C12orf42: variants seen among roughly 807,000 people sequenced by gnomAD.
C12orf42 encodes the protein uncharacterized protein C12orf42.
C12orf42 carries 25 observed loss-of-function variants against 21.6 expected under a neutral mutation model. The observed-to-expected ratio is 1.16, with a 90% CI of 0.84 to 1.62. The LOEUF (loss-of-function observed/expected upper bound fraction) is 1.62. Among genes scored for constraint, C12orf42 ranks in the 40% most tolerant of loss-of-function variants. The probability of loss-of-function intolerance (pLI) is 0.00; values close to 1 mark genes in which losing one functional copy is unlikely to be tolerated. For synonymous variants in C12orf42, 174 were observed against 175.0 expected, an observed-to-expected ratio of 0.99 and a Z score of 0.05; for missense variants, 483 against 459.3, an observed-to-expected ratio of 1.05 and a Z score of -0.47.
chr12:103,222,258 G>T, the C12orf42 span, among the ~76,000 whole-genome samples: 1 of 151,856 alleles, frequency 6.6e-6, no homozygotes, highest in African/African-American at 2.4e-5. Flanking sequence ...ATAGGATTTG[G>T]GTAGGTAAAG....
chr12:103,333,942 G>A (rs1159966608), intron 4 of C12orf42, among the ~76,000 whole-genome samples: 3 of 152,176 alleles, frequency 2.0e-5, no homozygotes, highest in Non-Finnish European at 2.9e-5. Context: ...ATAAGTGCCT[G>A]CCTGGGGCTA....
At chr12:103,511,511 T>C in the C12orf42 span, among the ~76,000 whole-genome samples, 1 of 152,126 alleles carries the variant, frequency 6.6e-6, no homozygotes, top group Admixed American at 6.5e-5. Flanking sequence ...CACTCTAATC[T>C]TCTCTTGGGG....
At chr12:103,366,644 G>T (rs1298351053) in intron 4 of C12orf42, among the ~76,000 whole-genome samples, 1 of 151,864 alleles carries the variant, frequency 6.6e-6, no homozygotes, top group African/African-American at 2.4e-5. Flanking sequence ...TCAAGAAGTG[G>T]GCTAGGGACA....
At chr12:103,226,122 G>A in the C12orf42 span, among the ~76,000 whole-genome samples, 37 of 152,200 alleles carry the variant, frequency 2.4e-4, no homozygotes, top group Admixed American at 2.4e-3. Context: ...TGGCCCAGTG[G>A]CCAGATTTCC....
At chr12:103,441,696 TTC>T (rs1015666667) in intron 2 of C12orf42, 1 of 152,158 alleles carries the variant, frequency 6.6e-6, no homozygotes, top group Non-Finnish European at 1.5e-5. Context: ...ACAACATCCT[TTC>T]TCTCTCAGGT....
chr12:103,238,160 G>A (rs1030406796), intron 10 of C12orf42, among the ~76,000 whole-genome samples: 1 of 152,014 alleles, frequency 6.6e-6, no homozygotes. Flanking sequence ...GAGTAGGAAG[G>A]GACATGGGAC....
the C12orf42 span, among the ~76,000 whole-genome samples, chr12:103,094,067 T>C: frequency 0.011 from 1,706 of 152,284 alleles, 33 homozygotes; most frequent in African/African-American, 0.039. Context: ...GTCAAGACAG[T>C]GGTGGGAGAA....
At chr12:103,096,536 T>C in the C12orf42 span, among the ~76,000 whole-genome samples, 1 of 152,238 alleles carries the variant, frequency 6.6e-6, no homozygotes, top group Non-Finnish European at 1.5e-5. Flanking sequence ...TATGATTTTA[T>C]TGATTTCAGT....
rs562552098 is a variant in C12orf42 at position 103,302,690 on chromosome 12, A to C, written c.632-131T>G. The C allele has an allele frequency of 1.4e-5, 10 of 738,340 alleles. No individual in the cohort carries two copies. In the African/African-American group the frequency reaches 1.4e-4, roughly 11 times the overall value. The allele number at this position is 738,340 out of a possible 1,614,324, so 45.7% of individuals were successfully genotyped here. A position where few individuals can be genotyped will look rare whatever the true frequency, so the allele number is the denominator to read the frequency against. On this transcript the variant is annotated intron_variant, in intron 5 of 5. Transcript: ENST00000548883. ...TGCTCAGAGGGGAAAGAAAAAAAAA[A>C]AAAAACCCTGACATGATCCTCACCT...
In C12orf42 at chr12:103,362,643, A is replaced by G. The variant is rs187056431; in HGVS notation, c.259+6244T>C. On this transcript the variant is annotated intron_variant, in intron 4 of 5. Coordinates refer to ENST00000548883, the MANE Select transcript of C12orf42 (RefSeq NM_198521.5). ...AGAAATCCTCAGTGAAATAGATAGC[A>G]TAAGAAAAAAATCACAACTTCAGGA... 3.3e-3 allele frequency among the ~76,000 whole-genome samples: 507 copies of G among 152,262 alleles called. 3 individuals are homozygous for G. The highest frequency in any genetic ancestry group is 0.011 in the African/African-American group (472 of 41,582).
At chr12:103,278,445 G>A (rs776517649) in intron 4 of C12orf42, among the ~76,000 whole-genome samples, 3 of 152,214 alleles carry the variant, frequency 2.0e-5, no homozygotes, top group Non-Finnish European at 4.4e-5. Flanking sequence ...TTGTAGAGCT[G>A]GGGTCTGCCC....
chr12:103,072,358 A>T, the C12orf42 span, among the ~76,000 whole-genome samples: 2 of 152,154 alleles, frequency 1.3e-5, no homozygotes, highest in Non-Finnish European at 2.9e-5. Flanking sequence ...AAACAGACAG[A>T]AGAACAGATC....
intron 2 of C12orf42, among the ~76,000 whole-genome samples, chr12:103,446,744 C>T (rs942853369): frequency 1.3e-5 from 2 of 151,788 alleles, no homozygotes; most frequent in African/African-American, 4.8e-5. Flanking sequence ...TTTAAAGCAA[C>T]AACAGTTTAA....
At chr12:103,113,434 C>A in the C12orf42 span, among the ~76,000 whole-genome samples, 17 of 152,212 alleles carry the variant, frequency 1.1e-4, no homozygotes, top group Non-Finnish European at 2.2e-4. Context: ...AGTTAAATAA[C>A]CCAAATATCT....
At chr12:103,504,095 T>A in the C12orf42 span, 1 of 152,398 alleles carries the variant, frequency 6.6e-6, no homozygotes, top group African/African-American at 2.4e-5. Context: ...TGCCCCCTGC[T>A]GGCCAAGGGG....
chr12:103,274,015 T>C lies in C12orf42; in HGVS notation n.398+3135A>G. On this transcript the variant is annotated intron_variant and non_coding_transcript_variant, in intron 5 of 6. Transcript: ENST00000546526. Reference sequence around the variant, plus strand: ...CTCCTATTGCCCTGTCCTGCTTTTTTAGTTCCTCTCTGCCTTTCAGACACT... The same window carrying C: ...CTCCTATTGCCCTGTCCTGCTTTTTCAGTTCCTCTCTGCCTTTCAGACACT... 2 of 443,194 alleles carry C rather than the reference T, an allele frequency of 4.5e-6. 1 individual carries two copies. The highest frequency in any genetic ancestry group is 3.2e-5 in the South Asian group (2 of 63,454). 27.5% of individuals were successfully genotyped at this position (443,194 alleles called of 1,614,324 possible). A position where few individuals can be genotyped will look rare whatever the true frequency, so the allele number is the denominator to read the frequency against.
intron 2 of C12orf42, among the ~76,000 whole-genome samples, chr12:103,436,451 A>G (rs1950720867): frequency 6.6e-6 from 1 of 152,196 alleles, no homozygotes; most frequent in Middle Eastern, 3.4e-3. Flanking sequence ...AAAGACACAG[A>G]CTGGCAAATT....
chr12:103,494,474 C>G (rs1242153468), intron 1 of C12orf42, among the ~76,000 whole-genome samples: 1 of 151,934 alleles, frequency 6.6e-6, no homozygotes, highest in South Asian at 2.1e-4. Context: ...TTTTTTTAAG[C>G]CTTTATTGGC....
chr12:103,404,390 T>C (rs1353273531), intron 2 of C12orf42, among the ~76,000 whole-genome samples: 2 of 152,222 alleles, frequency 1.3e-5, no homozygotes, highest in Admixed American at 6.5e-5. Flanking sequence ...AGCTGGGATA[T>C]TCATTGCCAG....
Sources: gnomAD v4.1 joint callset for allele counts (sites outside exome capture counted in the v4.1 genomes callset) on GRCh38, gnomAD v4.1.1 for gene constraint, MANE v1.5 for transcripts, NCBI Gene and HGNC (gene_info 2026-07-23, HGNC 2026-07-21) for gene names.